The following GPHN variants were observed in gnomAD, a reference collection of about 807,000 sequenced individuals.
The protein encoded by GPHN is gephyrin.
A neutral mutation model predicts 95.5 loss-of-function variants in GPHN; 17 were observed. The ratio of observed to expected loss-of-function variants is 0.18; its 90% CI spans 0.12 to 0.27. The LOEUF is 0.27. Ranked by LOEUF, GPHN falls within the 10% of genes least tolerant of loss-of-function variation. GPHN has a pLI of 1.00. For missense variants in GPHN, 660 were observed against 978.1 expected (o/e 0.67, Z 4.34); for synonymous variants, 320 against 322.5 (o/e 0.99, Z 0.08).
intron 8 of GPHN, among the ~76,000 whole-genome samples, chr14:66,950,765 A>G (rs961479821): frequency 1.3e-5 from 2 of 152,170 alleles, no homozygotes; most frequent in East Asian, 1.9e-4. Flanking sequence ...TAAGATTAAT[A>G]TCCTTTTTGA....
At chr14:67,661,529 CTTTT>C in the GPHN span, among the ~76,000 whole-genome samples, 8 of 110,066 alleles carry the variant, frequency 7.3e-5, no homozygotes, top group South Asian at 5.8e-4. Context: ...GAACAGTAAC[CTTTT>C]TTTTTTTTTT....
chr14:66,952,988 C>T (rs112984690), intron 8 of GPHN, among the ~76,000 whole-genome samples: 9 of 151,328 alleles, frequency 5.9e-5, no homozygotes, highest in South Asian at 4.2e-4. Flanking sequence ...GCCACTGCAC[C>T]GGGCCTTCTT....
At chr14:67,647,334 C>T in the GPHN span, 27 of 236,514 alleles carry the variant, frequency 1.1e-4, no homozygotes, top group African/African-American at 5.2e-4. Flanking sequence ...CCCAGCCTCA[C>T]GATTGTTTCA....
At chr14:66,937,511 G>A (rs1024513534) in intron 8 of GPHN, among the ~76,000 whole-genome samples, 1 of 151,764 alleles carries the variant, frequency 6.6e-6, no homozygotes, top group Non-Finnish European at 1.5e-5. Flanking sequence ...CTCCCAAGTA[G>A]TGGGATTACA....
At chr14:67,215,202 T>C in the GPHN span, among the ~76,000 whole-genome samples, 1 of 152,170 alleles carries the variant, frequency 6.6e-6, no homozygotes. Context: ...ACAGTCAAAA[T>C]AAGTATTCTG....
chr14:67,450,143 A>G, the GPHN span: 1 of 152,388 alleles, frequency 6.6e-6, no homozygotes, highest in African/African-American at 2.4e-5. Context: ...CGTCCATGTA[A>G]GATGTGACTT....
intron 2 of GPHN, among the ~76,000 whole-genome samples, chr14:66,723,764 T>C (rs2070971686): frequency 6.6e-6 from 1 of 152,114 alleles, no homozygotes; most frequent in African/African-American, 2.4e-5. Flanking sequence ...AACATTCCTG[T>C]TTTTATTTTA....
chr14:67,511,378 G>A, the GPHN span, among the ~76,000 whole-genome samples: 1 of 152,042 alleles, frequency 6.6e-6, no homozygotes, highest in Non-Finnish European at 1.5e-5. Context: ...AAACTGTCAT[G>A]CTTCTAGAAG....
At chr14:66,767,866 T>C (rs890469076) in intron 2 of GPHN, among the ~76,000 whole-genome samples, 2 of 151,972 alleles carry the variant, frequency 1.3e-5, no homozygotes, top group Admixed American at 1.3e-4. Flanking sequence ...CAGTTATCAA[T>C]AGTGTATCTG....
chr14:66,686,123 A>T (rs147700776), intron 2 of GPHN, among the ~76,000 whole-genome samples: 2 of 152,178 alleles, frequency 1.3e-5, no homozygotes, highest in Non-Finnish European at 2.9e-5. Flanking sequence ...TTTTGATACC[A>T]GTACCATGCT....
chr14:66,754,022 A>G (rs1368251564), intron 2 of GPHN, among the ~76,000 whole-genome samples: 2 of 152,088 alleles, frequency 1.3e-5, no homozygotes, highest in African/African-American at 4.8e-5. Flanking sequence ...AGGTGCTTCT[A>G]TATTGAAGCA....
intron 1 of GPHN, among the ~76,000 whole-genome samples, chr14:66,535,873 A>T (rs1386436748): frequency 6.6e-6 from 1 of 152,040 alleles, no homozygotes; most frequent in African/African-American, 2.4e-5. Flanking sequence ...TCCTATGCAA[A>T]CAACCAAATC....
intron 4 of GPHN, among the ~76,000 whole-genome samples, chr14:66,849,829 TTA>T (rs1197423149): frequency 6.6e-5 from 10 of 152,110 alleles, no homozygotes; most frequent in Admixed American, 6.6e-4. Context: ...AAGGTCAAAT[TTA>T]TGTTTTGGCT....
chr14:67,600,720 C>T, the GPHN span, among the ~76,000 whole-genome samples: 2 of 152,162 alleles, frequency 1.3e-5, no homozygotes, highest in Admixed American at 6.5e-5. Flanking sequence ...GCTGGGATTA[C>T]AGGCGCGCGC....
intron 11 of GPHN, among the ~76,000 whole-genome samples, chr14:67,077,737 A>G (rs2076550724): frequency 6.6e-6 from 1 of 152,174 alleles, no homozygotes; most frequent in African/African-American, 2.4e-5. Flanking sequence ...CTGTTATCAT[A>G]TGGAAAACTG....
At chr14:66,998,715 C>T (rs150876544) in intron 9 of GPHN, among the ~76,000 whole-genome samples, 2,157 of 151,930 alleles carry the variant, frequency 0.014, 57 homozygotes, top group Admixed American at 0.058. Context: ...CATTGGTTTA[C>T]CAATTGCATA....
At chr14:66,638,715 G>T (rs1195820819) in intron 1 of GPHN, among the ~76,000 whole-genome samples, 2 of 151,490 alleles carry the variant, frequency 1.3e-5, no homozygotes, top group African/African-American at 4.9e-5. Flanking sequence ...TTGCTTGGGG[G>T]TAAATTTTCC....
At chr14:67,244,461 T>C in the GPHN span, among the ~76,000 whole-genome samples, 1 of 152,242 alleles carries the variant, frequency 6.6e-6, no homozygotes, top group Non-Finnish European at 1.5e-5. Context: ...AGAAATGATA[T>C]AATTGCTTCT....
the GPHN span, among the ~76,000 whole-genome samples, chr14:67,348,046 G>A: frequency 6.6e-6 from 1 of 151,598 alleles, no homozygotes; most frequent in Non-Finnish European, 1.5e-5. Flanking sequence ...CTGAGTAGCT[G>A]GGACAACAGG....
Sources: gnomAD v4.1 joint callset for allele counts (sites outside exome capture counted in the v4.1 genomes callset) on GRCh38, gnomAD v4.1.1 for gene constraint, MANE v1.5 for transcripts, NCBI Gene and HGNC (gene_info 2026-07-23, HGNC 2026-07-21) for gene names.